ADAM8: variants seen among roughly 807,000 people sequenced by gnomAD.
The protein encoded by ADAM8 is ADAM metallopeptidase domain 8.
Under a neutral mutation model 102.4 loss-of-function variants are expected in ADAM8, and 104 were observed. The observed-to-expected ratio is 1.02, with a 90% CI of 0.87 to 1.20. The LOEUF (loss-of-function observed/expected upper bound fraction) is 1.20, where lower values mean the gene tolerates loss of function less well. Among genes scored for constraint, ADAM8 ranks in the 50% most tolerant of loss-of-function variants. The pLI, the probability that ADAM8 is intolerant of heterozygous loss-of-function variation, is 0.00. For synonymous variants in ADAM8, 517 were observed against 485.2 expected, an observed-to-expected ratio of 1.07 and a Z score of -0.86; for missense variants, 1,132 against 1,159.0, an observed-to-expected ratio of 0.98 and a Z score of 0.34.
At chr10:133,267,442 T>G in intron 20 of ADAM8, 25 bp from the exon 21 acceptor site, 1 of 1,595,478 alleles carries the variant, frequency 6.3e-7, no homozygotes, top group South Asian at 1.1e-5. Context: ...GCCGAGAGCC[T>G]GGGTCAGAGC....
At chr10:133,271,326 G>T in intron 12 of ADAM8, 37 bp from the exon 13 acceptor site, 2 of 1,589,078 alleles carry the variant, frequency 1.3e-6, no homozygotes, top group Non-Finnish European at 1.7e-6. Context: ...GGCTGCACTG[G>T]GGCCGGGCTG....
chr10:133,272,602 G>A lies in ADAM8; in HGVS notation c.706-17C>T. The A allele has an allele frequency of 6.3e-7, 1 of 1,597,338 alleles. No homozygotes were observed. Among genetic ancestry groups the A allele is most frequent in the Non-Finnish European group, 8.5e-7 (1 of 1,170,972 alleles). ...CTGATATAGCTGGAGAGGTGGTGGA[G>A]TCCTGGGGGTCAGGCAGGGTGGCGG... On this transcript the variant is annotated splice_polypyrimidine_tract_variant and intron_variant, in intron 8 of 22. Coordinates refer to ENST00000445355, the MANE Select transcript of ADAM8 (RefSeq NM_001109.5).
In ADAM8 at chr10:133,263,194, G is replaced by A; in HGVS notation, c.2437C>T (p.Gln813Ter). 6.2e-7 allele frequency: 1 copy of A among 1,613,398 alleles called. No individual in the cohort carries two copies. The highest frequency in any genetic ancestry group is 8.5e-7 in the Non-Finnish European group (1 of 1,179,488). ...GPKVALKPPI[Q>*]RKQGAGAPTA... ...GGAGCTCCGGCTCCTTGCTTCCTCT[G>A]GATGGGGGGCTTCAGGGCAACCTTT... is the stretch of plus-strand genomic sequence containing the variant. Residue 813 changes from glutamine (Q) to a stop codon, truncating the protein, a stop_gained, in exon 23 of 23, where the codon CAG becomes TAG. Coordinates refer to ENST00000445355, the MANE Select transcript of ADAM8 (RefSeq NM_001109.5). LOFTEE classifies it low-confidence loss of function (END_TRUNC).
chr10:133,270,162 C>T (rs895637593), intron 16 of ADAM8, among the ~76,000 whole-genome samples, 188 bp from the exon 17 acceptor site: 12 of 152,234 alleles, frequency 7.9e-5, no homozygotes, highest in African/African-American at 2.2e-4. Flanking sequence ...ACGTGGCCGC[C>T]GGCGACGGCC....
In ADAM8 at chr10:133,269,443, AC is replaced by A. The variant is rs1216787248; in HGVS notation, c.1948+1del. On this transcript the variant is annotated splice_donor_variant, in intron 18 of 22. Coordinates refer to ENST00000445355, the MANE Select transcript of ADAM8 (RefSeq NM_001109.5). LOFTEE classifies it high-confidence loss of function. The stretch of plus-strand genomic sequence containing the variant: ...CCACCTGCGCTGGCCAGGGAGGCCT[AC>A]CTGCGTGCACCTCAGTCAGCAGCTT... 4 of 1,586,414 alleles carry A rather than the reference AC, an allele frequency of 2.5e-6. No individual in the cohort carries two copies. The highest frequency in any genetic ancestry group is 3.4e-6 in the Non-Finnish European group (4 of 1,170,912).
At chr10:133,264,051 T>TC (rs749427931) in intron 21 of ADAM8, among the ~76,000 whole-genome samples, 16 of 143,780 alleles carry the variant, frequency 1.1e-4, no homozygotes, top group Non-Finnish European at 1.6e-4. Context: ...AGAGCTTTTT[T>TC]CCTTTCCTTT....
chr10:133,273,889 C>T (rs2136092209), intron 4 of ADAM8, 51 bp from the exon 5 acceptor site: 1 of 1,553,458 alleles, frequency 6.4e-7, no homozygotes, highest in Non-Finnish European at 8.7e-7. Flanking sequence ...CATGGCCCCA[C>T]AGGCTCGGGG....
chr10:133,262,876 G>GACACGT lies in ADAM8; in HGVS notation c.*274_*279dup. Reference sequence around the variant, plus strand: ...AGCGGGAGACCAGCGGCCACCTGGAGACACGTACACACACACGCACCCGCA... The same window carrying GACACGT: ...AGCGGGAGACCAGCGGCCACCTGGAGACACGTACACGTACACACACACGCACCCGCA... On this transcript the variant is annotated 3_prime_UTR_variant, in exon 23 of 23. Transcript: ENST00000445355. 5.7e-6 allele frequency: 3 copies of GACACGT among 527,066 alleles called. No homozygotes were observed. Among genetic ancestry groups the GACACGT allele is most frequent in the Non-Finnish European group, 1.0e-5 (3 of 292,382 alleles). The allele number at this position is 527,066 out of a possible 1,614,324, so 32.6% of individuals were successfully genotyped here. A position where few individuals can be genotyped will look rare whatever the true frequency, so the allele number is the denominator to read the frequency against.
chr10:133,264,331 G>A (rs1159018609), intron 21 of ADAM8, among the ~76,000 whole-genome samples: 1 of 152,194 alleles, frequency 6.6e-6, no homozygotes, highest in African/African-American at 2.4e-5. Flanking sequence ...AAAGTGCTGG[G>A]ATTACAGGCA....
chr10:133,270,171 C>A (rs972533169), intron 16 of ADAM8, among the ~76,000 whole-genome samples, 189 bp downstream of exon 16: 11 of 152,232 alleles, frequency 7.2e-5, no homozygotes, highest in Admixed American at 7.2e-4. Context: ...CCGGCGACGG[C>A]CATCAGATGA....
At chr10:133,265,750 A>G (rs1846306223) in intron 21 of ADAM8, among the ~76,000 whole-genome samples, 1 of 152,014 alleles carries the variant, frequency 6.6e-6, no homozygotes, top group African/African-American at 2.4e-5. Flanking sequence ...GTGAGCTGAG[A>G]TCGCGCCACT....
intron 2 of ADAM8, 89 bp from the exon 3 acceptor site, chr10:133,274,324 G>A (rs1365992278): frequency 3.5e-5 from 45 of 1,277,896 alleles, no homozygotes; most frequent in Non-Finnish European, 4.1e-5. Flanking sequence ...CAGCTGGGGG[G>A]GAAGGGGTGC....
At chr10:133,269,157 G>A in intron 18 of ADAM8, 6 of 985,450 alleles carry the variant, frequency 6.1e-6, no homozygotes, top group South Asian at 9.4e-5. Flanking sequence ...TGGCCTCAGG[G>A]CCCCGGGCCG....
chr10:133,272,939 T>C lies in ADAM8; in HGVS notation c.636+18A>G, dbSNP rs1013187255. ...CCCGCCGCCGGCTGCTCTCCCACCT[T>C]CCCTGCCCCCAACACACCTCTGCAT... On this transcript the variant is annotated intron_variant, in intron 7 of 22. Transcript: ENST00000445355. 6.2e-6 allele frequency: 10 copies of C among 1,612,314 alleles called. No individual in the cohort carries two copies. The highest frequency in any genetic ancestry group is 8.5e-6 in the Non-Finnish European group (10 of 1,179,686).
At chr10:133,270,326 G>A (rs927070132) in intron 16 of ADAM8, 34 bp downstream of exon 16, 5 of 1,556,832 alleles carry the variant, frequency 3.2e-6, no homozygotes, top group African/African-American at 2.7e-5. Flanking sequence ...CGGGATGCCT[G>A]GGGGGTGGCG....
chr10:133,267,363 C>T lies in ADAM8; in HGVS notation c.2308G>A (p.Ala770Thr), dbSNP rs1333483517. Reference protein sequence around the residue: ...PFPVPVYTRQAPKQVIKPTFA... With the variant: ...PFPVPVYTRQTPKQVIKPTFA... ...TCACCACTGCTCACCTGCTTTGGTGCCTGCCGGGTGTAGACAGGAACTGGG... is the reference window on the plus strand; with the variant it reads ...TCACCACTGCTCACCTGCTTTGGTGTCTGCCGGGTGTAGACAGGAACTGGG... The change falls in exon 21 of 23, where the codon GCA becomes ACA. Residue 770 changes from alanine (A) to threonine (T), a missense_variant. Coordinates refer to ENST00000445355, the MANE Select transcript of ADAM8 (RefSeq NM_001109.5). The T allele has an allele frequency of 3.1e-6, 5 of 1,609,256 alleles. No individual in the cohort carries two copies. The South Asian group carries it at 5.6e-5, about 18-fold the overall frequency.
At chr10:133,263,554 T>C (rs554235914) in intron 22 of ADAM8, 134 bp downstream of exon 22, 1 of 721,686 alleles carries the variant, frequency 1.4e-6, no homozygotes, top group South Asian at 2.3e-5. Flanking sequence ...CCCTTTTCTT[T>C]CAGTCACCCA....
At chr10:133,267,608 GC>G (rs1846366084) in intron 20 of ADAM8, among the ~76,000 whole-genome samples, 191 bp from the exon 21 acceptor site, 1 of 152,252 alleles carries the variant, frequency 6.6e-6, no homozygotes, top group Non-Finnish European at 1.5e-5. Context: ...CGAGCTGGGG[GC>G]CGGAGAGCAT....
At chr10:133,268,442 C>T (rs756945332) in intron 19 of ADAM8, among the ~76,000 whole-genome samples, 7 of 152,124 alleles carry the variant, frequency 4.6e-5, no homozygotes, top group South Asian at 2.1e-4. Context: ...AGGGTGCTCA[C>T]GGGGCTGGGT....
Sources: allele counts gnomAD v4.1 joint callset (sites outside exome capture counted in the v4.1 genomes callset), GRCh38; gene constraint gnomAD v4.1.1; transcripts MANE v1.5; gene names NCBI Gene and HGNC (gene_info 2026-07-23, HGNC 2026-07-21).